Variants in PDE10A observed in about 807,000 individuals in gnomAD.
The protein encoded by PDE10A is cAMP and cAMP-inhibited cGMP 3',5'-cyclic phosphodiesterase 10A.
A neutral mutation model predicts 97.7 loss-of-function variants in PDE10A; 39 were observed. The ratio of observed to expected loss-of-function variants is 0.40; its 90% CI spans 0.31 to 0.52. PDE10A has a LOEUF of 0.52. Among genes scored for constraint, PDE10A ranks in the 20% least tolerant of loss-of-function variants. PDE10A has a pLI of 0.56. For synonymous variants in PDE10A, 371 were observed against 376.8 expected (o/e 0.98, Z 0.18); for missense variants, 731 against 1,047.8 (o/e 0.70, Z 4.17).
intron 1 of PDE10A, among the ~76,000 whole-genome samples, chr6:165,886,835 T>C (rs1285342661): frequency 6.6e-6 from 1 of 152,066 alleles, no homozygotes; most frequent in Non-Finnish European, 1.5e-5. Flanking sequence ...CTTCCACAGA[T>C]AAAATCACAC....
Position 165,655,895 on chromosome 6 carries a change from G to A in PDE10A, c.865+6052C>T, listed in dbSNP as rs532454361. Among the ~76,000 whole-genome samples, 7 of 152,086 alleles carry A rather than the reference G, an allele frequency of 4.6e-5. No homozygotes were observed. The East Asian group carries it at 1.4e-3, about 30-fold the overall frequency. ...CTCCTCTGCCTTGTGAGCCCCCTCT[G>A]CCTAGGGTGCTTTTCCCCAGATAAC... On this transcript the variant is annotated intron_variant, in intron 1 of 21. Coordinates refer to ENST00000539869, the MANE Select transcript of PDE10A (RefSeq NM_001385079.1). The surrounding 1 kb of genome is among the most constrained non-coding windows in gnomAD (Gnocchi z 4.5).
At chr6:165,475,300 T>G (rs531266711) in intron 3 of PDE10A, among the ~76,000 whole-genome samples, 1 of 152,150 alleles carries the variant, frequency 6.6e-6, no homozygotes, top group Non-Finnish European at 1.5e-5. Flanking sequence ...ATTTCTTAAA[T>G]GCATTAACAG....
At chr6:165,963,907 A>G (rs1245577708) in intron 1 of PDE10A, among the ~76,000 whole-genome samples, 1 of 152,132 alleles carries the variant, frequency 6.6e-6, no homozygotes, top group African/African-American at 2.4e-5. Flanking sequence ...CCCCTGGTCC[A>G]CTGCACCTTA....
At position 165,432,954 on chromosome 6, in the gene PDE10A, G is replaced by A. The variant is rs1200175376; in HGVS notation, c.1491+20C>T. The A allele has an allele frequency of 1.9e-6, 3 of 1,603,244 alleles. No individual in the cohort carries two copies. Among genetic ancestry groups the A allele is most frequent in the East Asian group, 2.2e-5 (1 of 44,796 alleles). ...TAGGTACAACTAAAAATTCTAACAT[G>A]CAGCATTTAAAGGCCTTACCTCCTG... On this transcript the variant is annotated intron_variant, in intron 7 of 21. Transcript: ENST00000539869.
chr6:165,630,178 GTC>G (rs1788566993), intron 1 of PDE10A, among the ~76,000 whole-genome samples: 1 of 152,018 alleles, frequency 6.6e-6, no homozygotes, highest in Non-Finnish European at 1.5e-5. Flanking sequence ...ATGAAACCCT[GTC>G]TCTATAAAAA....
chr6:165,968,764 A>G (rs958266441), intron 1 of PDE10A, among the ~76,000 whole-genome samples: 5 of 152,260 alleles, frequency 3.3e-5, no homozygotes, highest in African/African-American at 1.2e-4. Flanking sequence ...ATAAATTTTT[A>G]TCTCTAACAT....
chr6:165,505,409 CATA>C (rs1300186574), intron 2 of PDE10A, among the ~76,000 whole-genome samples: 4 of 152,114 alleles, frequency 2.6e-5, no homozygotes, highest in African/African-American at 7.2e-5. Flanking sequence ...AACATACAAA[CATA>C]ATAAGCCAAC....
chr6:165,691,204 CACA>C (rs1222208977), intron 1 of PDE10A, among the ~76,000 whole-genome samples: 9 of 91,498 alleles, frequency 9.8e-5, no homozygotes, highest in Admixed American at 4.4e-4. Flanking sequence ...TCTCTCTCCC[CACA>C]CACACACACA....
chr6:165,484,034 T>C (rs902370099), intron 2 of PDE10A, among the ~76,000 whole-genome samples: 3 of 152,212 alleles, frequency 2.0e-5, no homozygotes, highest in African/African-American at 7.2e-5. Context: ...ATTTAGAAAA[T>C]CAATGTCTCC....
chr6:165,572,903 T>G (rs1405533981), intron 1 of PDE10A, among the ~76,000 whole-genome samples: 1 of 152,206 alleles, frequency 6.6e-6, no homozygotes, highest in South Asian at 2.1e-4. Context: ...TTCTGTAGAG[T>G]GCTAATTGTA....
chr6:165,728,063 C>G (rs956876845), intron 1 of PDE10A, among the ~76,000 whole-genome samples: 3 of 152,124 alleles, frequency 2.0e-5, no homozygotes, highest in Non-Finnish European at 4.4e-5. Context: ...CCACCCACCC[C>G]CAACATACAC....
chr6:165,701,394 C>T (rs1412787312), intron 1 of PDE10A, among the ~76,000 whole-genome samples: 1 of 152,228 alleles, frequency 6.6e-6, no homozygotes, highest in Non-Finnish European at 1.5e-5. Flanking sequence ...GAATGCTGCA[C>T]ATGCTAGCCA....
At chr6:165,526,172 C>T (rs548579447) in intron 2 of PDE10A, among the ~76,000 whole-genome samples, 3 of 152,132 alleles carry the variant, frequency 2.0e-5, no homozygotes, top group Admixed American at 2.0e-4. Context: ...AATGATCAGA[C>T]CTTTTGGGTA....
At chr6:165,914,060 A>G (rs947754087) in intron 1 of PDE10A, among the ~76,000 whole-genome samples, 1 of 152,242 alleles carries the variant, frequency 6.6e-6, no homozygotes, top group Non-Finnish European at 1.5e-5. Context: ...AGTTTACATT[A>G]ACAAACTTTA....
intron 1 of PDE10A, 105 bp from the exon 2 acceptor site, chr6:165,543,673 C>G: frequency 1.2e-6 from 1 of 823,224 alleles, no homozygotes; most frequent in Non-Finnish European, 1.8e-6. Context: ...AACCTCTCAT[C>G]TAACGGAGAG....
At chr6:165,642,064 T>C (rs1447219930) in intron 1 of PDE10A, among the ~76,000 whole-genome samples, 7 of 152,274 alleles carry the variant, frequency 4.6e-5, no homozygotes, top group African/African-American at 1.4e-4. Context: ...TGTAACTTAC[T>C]GCTTTGACTC....
chr6:165,380,572 A>G (rs1784869408), intron 17 of PDE10A, among the ~76,000 whole-genome samples: 1 of 152,246 alleles, frequency 6.6e-6, no homozygotes, highest in Non-Finnish European at 1.5e-5. Flanking sequence ...ACATTTGTAG[A>G]AAGTTCTACA....
intron 3 of PDE10A, among the ~76,000 whole-genome samples, chr6:165,474,690 AT>A (rs1478128380): frequency 5.3e-5 from 8 of 152,062 alleles, no homozygotes; most frequent in Admixed American, 2.0e-4. Flanking sequence ...AAAAAAATCC[AT>A]TTTACGCAAC....
At chr6:165,881,392 C>CTTTTTTTTTTT (rs68159417) in intron 1 of PDE10A, among the ~76,000 whole-genome samples, 4 of 107,026 alleles carry the variant, frequency 3.7e-5, no homozygotes, top group African/African-American at 4.0e-5. Context: ...TTTTTCTTTT[C>CTTTTTTTTTTT]TTTTTTTTTT....
Sources: gnomAD v4.1 joint callset for allele counts (sites outside exome capture counted in the v4.1 genomes callset) on GRCh38, gnomAD v4.1.1 for gene constraint, Gnocchi (gnomAD v3.1) non-coding constraint, MANE v1.5 for transcripts, NCBI Gene and HGNC (gene_info 2026-07-23, HGNC 2026-07-21) for gene names.